Variants in SPOCK3 observed in about 807,000 individuals in gnomAD.
The protein encoded by SPOCK3 is testican-3.
In SPOCK3, 30 loss-of-function variants were observed where a neutral mutation model predicts 56.6. That is an observed-to-expected ratio of 0.53 (90% confidence interval 0.40 to 0.72). The LOEUF (loss-of-function observed/expected upper bound fraction) is 0.72, where lower values mean the gene tolerates loss of function less well. SPOCK3 is among the 30% of genes least tolerant of loss of function. The probability of loss-of-function intolerance (pLI) is 0.00; values close to 1 mark genes in which losing one functional copy is unlikely to be tolerated. For synonymous variants in SPOCK3, 196 were observed against 183.3 expected, an observed-to-expected ratio of 1.07 and a Z score of -0.56; for missense variants, 527 against 530.0, an observed-to-expected ratio of 0.99 and a Z score of 0.06.
At chr4:167,079,587 G>C (rs926143712) in intron 2 of SPOCK3, among the ~76,000 whole-genome samples, 4 of 151,714 alleles carry the variant, frequency 2.6e-5, no homozygotes, top group Non-Finnish European at 5.9e-5. Flanking sequence ...TCAGTGATTA[G>C]ATGCCAAAAA....
intron 4 of SPOCK3, among the ~76,000 whole-genome samples, chr4:166,922,938 T>G (rs545254392): frequency 2.0e-4 from 31 of 152,320 alleles, no homozygotes; most frequent in African/African-American, 7.5e-4. Context: ...GATTGGGGGA[T>G]GTGTTAGTTT....
intron 2 of SPOCK3, among the ~76,000 whole-genome samples, chr4:167,170,330 C>G (rs1385512): frequency 0.32 from 48,675 of 151,986 alleles, 8,031 homozygotes; most frequent in African/African-American, 0.37. Context: ...CTTTAAGCAA[C>G]TCAACTTAAA....
At chr4:166,889,347 G>A in intron 5 of SPOCK3, 103 bp from the exon 6 acceptor site, 2 of 699,622 alleles carry the variant, frequency 2.9e-6, no homozygotes, top group Non-Finnish European at 4.9e-6. Flanking sequence ...CATATAATTT[G>A]GAGATTTTTC....
chr4:166,851,924 T>G (rs1730139694), intron 6 of SPOCK3, among the ~76,000 whole-genome samples: 1 of 148,020 alleles, frequency 6.8e-6, no homozygotes, highest in African/African-American at 2.4e-5. Flanking sequence ...TAGATTGGAT[T>G]AAGAAAATGT....
At chr4:167,118,237 G>C (rs556142252) in intron 2 of SPOCK3, among the ~76,000 whole-genome samples, 1 of 152,058 alleles carries the variant, frequency 6.6e-6, no homozygotes, top group Non-Finnish European at 1.5e-5. Context: ...ACCTAGATCC[G>C]GAAGTAATTT....
intron 2 of SPOCK3, among the ~76,000 whole-genome samples, chr4:167,074,246 C>T (rs1399219772): frequency 6.6e-6 from 1 of 151,736 alleles, no homozygotes; most frequent in Non-Finnish European, 1.5e-5. Flanking sequence ...ATAAATTATG[C>T]CAAAATTTAG....
chr4:166,951,637 A>C (rs1263352183), intron 4 of SPOCK3, among the ~76,000 whole-genome samples: 32 of 135,864 alleles, frequency 2.4e-4, no homozygotes, highest in Admixed American at 9.3e-4. Flanking sequence ...CAAAAAAGAG[A>C]ATTTTAGACC....
intron 4 of SPOCK3, among the ~76,000 whole-genome samples, chr4:166,984,354 A>G (rs999214819): frequency 9.2e-5 from 14 of 152,118 alleles, no homozygotes; most frequent in African/African-American, 3.4e-4. Flanking sequence ...AACATCAAAT[A>G]TGTAATTTGA....
chr4:166,791,497 G>A (rs188757815), intron 7 of SPOCK3, among the ~76,000 whole-genome samples: 166 of 152,028 alleles, frequency 1.1e-3, no homozygotes, highest in African/African-American at 3.9e-3. Context: ...CCCGTGTTTC[G>A]ATATCCTTTT....
chr4:166,897,877 A>G (rs928496358), intron 5 of SPOCK3, among the ~76,000 whole-genome samples: 5 of 152,086 alleles, frequency 3.3e-5, no homozygotes, highest in African/African-American at 1.2e-4. Flanking sequence ...AGGCTCAACC[A>G]TATTCTCTGT....
At position 166,767,316 on chromosome 4, in the gene SPOCK3, G is replaced by T. The variant is rs545783172; in HGVS notation, c.710-12587C>A. ...TTTTAGCTCTTTCCTGCTTTCTCTT[G>T]TGGGCATTTAGTGCTATAAATTTCC... is the stretch of plus-strand genomic sequence containing the variant. On this transcript the variant is annotated intron_variant, in intron 7 of 10. Coordinates refer to ENST00000357545, the MANE Select transcript of SPOCK3 (RefSeq NM_001040159.2). Among the ~76,000 whole-genome samples, 4 of 145,914 alleles carry T rather than the reference G, an allele frequency of 2.7e-5. No homozygotes were observed. In the South Asian group the frequency reaches 6.7e-4, roughly 25 times the overall value.
chr4:166,983,268 T>C (rs1399182127), intron 4 of SPOCK3, among the ~76,000 whole-genome samples: 1 of 152,072 alleles, frequency 6.6e-6, no homozygotes, highest in Non-Finnish European at 1.5e-5. Flanking sequence ...TTCATAAAAC[T>C]GAAACCTATT....
intron 6 of SPOCK3, among the ~76,000 whole-genome samples, chr4:166,835,038 G>A (rs1290504285): frequency 6.6e-6 from 1 of 151,962 alleles, no homozygotes; most frequent in Non-Finnish European, 1.5e-5. Context: ...AATTTGCAAA[G>A]TATAAACCGA....
intron 2 of SPOCK3, among the ~76,000 whole-genome samples, chr4:167,072,871 G>T (rs181692437): frequency 6.6e-6 from 1 of 151,914 alleles, no homozygotes; most frequent in Non-Finnish European, 1.5e-5. Flanking sequence ...ACATTTTCAT[G>T]ATCCTCAATT....
chr4:167,032,274 AAT>A (rs1752348976), intron 3 of SPOCK3, among the ~76,000 whole-genome samples: 1 of 151,984 alleles, frequency 6.6e-6, no homozygotes, highest in Non-Finnish European at 1.5e-5. Flanking sequence ...ATGCTCAGTT[AAT>A]ATCAATGATC....
intron 2 of SPOCK3, among the ~76,000 whole-genome samples, chr4:167,186,976 C>A (rs1251866932): frequency 1.4e-4 from 17 of 121,702 alleles, no homozygotes; most frequent in Non-Finnish European, 1.8e-4. Context: ...GACTCTGTGC[C>A]TCAAAAAAAA....
Position 166,927,096 on chromosome 4 carries a change from T to C in SPOCK3, c.351-14353A>G, listed in dbSNP as rs180917092. ...TAATATGAAGTTAAGGTAGAAAATA[T>C]GGATTTACTTGTTGGAAGACATAAT... On this transcript the variant is annotated intron_variant, in intron 4 of 10. Coordinates refer to ENST00000357545, the MANE Select transcript of SPOCK3 (RefSeq NM_001040159.2). 4.7e-4 allele frequency among the ~76,000 whole-genome samples: 71 copies of C among 152,298 alleles called. No homozygotes were observed. The East Asian group carries it at 0.013, about 28-fold the overall frequency.
chr4:166,892,892 C>T (rs980169279), intron 5 of SPOCK3, among the ~76,000 whole-genome samples: 1 of 151,914 alleles, frequency 6.6e-6, no homozygotes, highest in Admixed American at 6.6e-5. Context: ...TGAAAAAGAG[C>T]CCAACCTTCA....
intron 6 of SPOCK3, among the ~76,000 whole-genome samples, chr4:166,842,825 G>A (rs767488032): frequency 3.9e-5 from 6 of 152,338 alleles, no homozygotes; most frequent in African/African-American, 7.2e-5. Context: ...TGCCAGTCCC[G>A]CACTGCCGGC....
Sources: allele counts gnomAD v4.1 joint callset (sites outside exome capture counted in the v4.1 genomes callset), GRCh38; gene constraint gnomAD v4.1.1; transcripts MANE v1.5; gene names NCBI Gene and HGNC (gene_info 2026-07-23, HGNC 2026-07-21).